CTNNA3: variants seen among roughly 807,000 people sequenced by gnomAD.
CTNNA3 encodes catenin alpha 3, also known as catenin alpha-3.
Under a neutral mutation model 95.7 loss-of-function variants are expected in CTNNA3, and 76 were observed. The observed-to-expected ratio is 0.79, with a 90% CI of 0.66 to 0.96. The LOEUF is 0.96. CTNNA3 is among the 40% of genes least tolerant of loss of function. The probability of loss-of-function intolerance (pLI) is 0.00; values close to 1 mark genes in which losing one functional copy is unlikely to be tolerated. For synonymous variants in CTNNA3, 431 were observed against 374.4 expected, an observed-to-expected ratio of 1.15 and a Z score of -1.74; for missense variants, 1,191 against 1,089.8, an observed-to-expected ratio of 1.09 and a Z score of -1.31.
At chr10:66,837,077 A>G (rs1301685743) in intron 7 of CTNNA3, among the ~76,000 whole-genome samples, 1 of 152,132 alleles carries the variant, frequency 6.6e-6, no homozygotes, top group Non-Finnish European at 1.5e-5. Flanking sequence ...TTCCTGATCA[A>G]TGTGCAGAGA....
At chr10:66,869,092 T>G (rs182192108) in intron 7 of CTNNA3, among the ~76,000 whole-genome samples, 1 of 152,330 alleles carries the variant, frequency 6.6e-6, no homozygotes, top group African/African-American at 2.4e-5. Flanking sequence ...AATTCTAGTT[T>G]GACATGTAAC....
In CTNNA3 at chr10:66,069,288, A is replaced by G; in HGVS notation, c.2159+20T>C. 1 of 1,607,764 alleles carries G rather than the reference A, an allele frequency of 6.2e-7. No individual in the cohort carries two copies. Among genetic ancestry groups the G allele is most frequent in the East Asian group, 2.2e-5 (1 of 44,788 alleles). On this transcript the variant is annotated intron_variant, in intron 15 of 17. Coordinates refer to ENST00000433211, the MANE Select transcript of CTNNA3 (RefSeq NM_013266.4). The stretch of plus-strand genomic sequence containing the variant: ...TTTTCAGCCATTATGAATATTACAC[A>G]TCGTTTTCCACATAATTACCTAGTG...
chr10:67,641,976 G>A (rs2133466858), intron 2 of CTNNA3, among the ~76,000 whole-genome samples: 1 of 152,150 alleles, frequency 6.6e-6, no homozygotes, highest in East Asian at 1.9e-4. Context: ...CCTGCACATT[G>A]TGCACATGTA....
intron 11 of CTNNA3, among the ~76,000 whole-genome samples, chr10:66,389,407 G>A (rs138067075): frequency 5.3e-4 from 80 of 152,216 alleles, no homozygotes; most frequent in African/African-American, 1.9e-3. Context: ...GTGAGGGGTG[G>A]AATGTCCTGG....
intron 5 of CTNNA3, among the ~76,000 whole-genome samples, chr10:67,489,834 TATTC>T (rs1848586533): frequency 6.7e-6 from 1 of 149,934 alleles, no homozygotes; most frequent in South Asian, 2.1e-4. Context: ...TATATACATA[TATTC>T]ATTCATTCAT....
At chr10:66,225,181 C>T (rs1203062889) in intron 13 of CTNNA3, among the ~76,000 whole-genome samples, 1 of 151,592 alleles carries the variant, frequency 6.6e-6, no homozygotes, top group Admixed American at 6.6e-5. Context: ...CATTAACCAA[C>T]GTCTCTATCC....
At chr10:67,382,396 T>C (rs1226724975) in intron 5 of CTNNA3, among the ~76,000 whole-genome samples, 1 of 152,128 alleles carries the variant, frequency 6.6e-6, no homozygotes, top group Non-Finnish European at 1.5e-5. Context: ...TAAAACAGTG[T>C]AGGATAAATA....
At chr10:66,797,712 G>A (rs7908752) in intron 7 of CTNNA3, among the ~76,000 whole-genome samples, 6,401 of 151,968 alleles carry the variant, frequency 0.042, 454 homozygotes, top group African/African-American at 0.15. Flanking sequence ...TCTCTAAAGT[G>A]TCTGTGATTG....
At chr10:66,617,129 A>G (rs1258509184) in intron 10 of CTNNA3, among the ~76,000 whole-genome samples, 1 of 152,018 alleles carries the variant, frequency 6.6e-6, no homozygotes, top group Admixed American at 6.6e-5. Flanking sequence ...TTTCTGTGTG[A>G]GTGTGTTATA....
chr10:67,401,218 A>G (rs1197622118), intron 5 of CTNNA3, among the ~76,000 whole-genome samples: 3 of 152,170 alleles, frequency 2.0e-5, no homozygotes, highest in Admixed American at 2.0e-4. Flanking sequence ...TGAACTCCTG[A>G]GCCTCCAGAA....
chr10:66,320,263 T>C (rs1012054520), intron 12 of CTNNA3, among the ~76,000 whole-genome samples: 3 of 152,098 alleles, frequency 2.0e-5, no homozygotes, highest in African/African-American at 7.2e-5. Flanking sequence ...CTCCCTCTAG[T>C]TGTGATCTTT....
intron 9 of CTNNA3, among the ~76,000 whole-genome samples, chr10:66,759,576 C>A (rs904303307): frequency 6.6e-6 from 1 of 152,134 alleles, no homozygotes; most frequent in Non-Finnish European, 1.5e-5. Flanking sequence ...TGTCCAGGGT[C>A]CAGCACAGTA....
chr10:67,244,170 A>G (rs1232682306), intron 5 of CTNNA3, among the ~76,000 whole-genome samples: 1 of 152,236 alleles, frequency 6.6e-6, no homozygotes, highest in Admixed American at 6.5e-5. Context: ...TAGGCTAAGT[A>G]GATTTGTTTA....
chr10:67,267,530 A>G (rs1179179817), intron 5 of CTNNA3, among the ~76,000 whole-genome samples: 2 of 151,966 alleles, frequency 1.3e-5, no homozygotes. Flanking sequence ...ATGCCTGGCT[A>G]ATTTTTTTGT....
chr10:67,185,746 G>A (rs561551493), intron 6 of CTNNA3, among the ~76,000 whole-genome samples: 3 of 152,078 alleles, frequency 2.0e-5, no homozygotes, highest in African/African-American at 7.2e-5. Flanking sequence ...TTTAGGCCAG[G>A]TGCAGTGGCT....
At chr10:67,366,726 G>C (rs1843233568) in intron 5 of CTNNA3, among the ~76,000 whole-genome samples, 1 of 151,966 alleles carries the variant, frequency 6.6e-6, no homozygotes, top group Non-Finnish European at 1.5e-5. Context: ...TCTGCTCTTT[G>C]ACAAAGTTGA....
intron 5 of CTNNA3, among the ~76,000 whole-genome samples, chr10:67,474,567 A>G (rs1308938795): frequency 1.3e-5 from 2 of 152,186 alleles, no homozygotes; most frequent in East Asian, 1.9e-4. Context: ...TATTATGGCC[A>G]TCTAGCATAC....
chr10:67,541,543 G>C (rs1007152303), intron 3 of CTNNA3, among the ~76,000 whole-genome samples: 1 of 151,916 alleles, frequency 6.6e-6, no homozygotes, highest in Non-Finnish European at 1.5e-5. Flanking sequence ...CTCTAGTTCT[G>C]GGAACTTGGA....
intron 9 of CTNNA3, among the ~76,000 whole-genome samples, chr10:66,735,022 CTTT>C (rs1434943567): frequency 1.3e-5 from 2 of 151,282 alleles, no homozygotes; most frequent in African/African-American, 2.4e-5. Flanking sequence ...GATTAAATAT[CTTT>C]TTTATCTTTT....
Sources: allele counts gnomAD v4.1 joint callset (sites outside exome capture counted in the v4.1 genomes callset), GRCh38; gene constraint gnomAD v4.1.1; transcripts MANE v1.5; gene names NCBI Gene and HGNC (gene_info 2026-07-23, HGNC 2026-07-21).